The following RBFOX1 variants were observed in gnomAD, a reference collection of about 807,000 sequenced individuals.
RBFOX1 encodes the protein RNA binding fox-1 homolog 1, also known as RNA binding protein fox-1 homolog 1.
RBFOX1 carries 8 observed loss-of-function variants against 57.7 expected under a neutral mutation model. The observed-to-expected ratio is 0.14, with a 90% CI of 0.08 to 0.25. RBFOX1 has a LOEUF of 0.25. Ranked by LOEUF, RBFOX1 falls within the 10% of genes least tolerant of loss-of-function variation. The probability of loss-of-function intolerance (pLI) is 1.00; values close to 1 mark genes in which losing one functional copy is unlikely to be tolerated. For synonymous variants in RBFOX1, 326 were observed against 222.4 expected (o/e 1.47, Z -4.15); for missense variants, 611 against 548.5 (o/e 1.11, Z -1.14).
chr16:5,999,796 G>A (rs2060557149), intron 4 of RBFOX1, among the ~76,000 whole-genome samples: 1 of 143,742 alleles, frequency 7.0e-6, no homozygotes, highest in South Asian at 2.4e-4. Context: ...GGGAGGCGGA[G>A]CTTGTGGTGA....
At chr16:5,856,368 G>A (rs1366057198) in intron 3 of RBFOX1, among the ~76,000 whole-genome samples, 3 of 137,156 alleles carry the variant, frequency 2.2e-5, no homozygotes, top group Admixed American at 7.5e-5. Context: ...TATGATTTGT[G>A]TGTGCTTGGT....
chr16:6,256,530 T>C (rs2097668455), intron 1 of RBFOX1, among the ~76,000 whole-genome samples: 1 of 151,704 alleles, frequency 6.6e-6, no homozygotes, highest in South Asian at 2.1e-4. Flanking sequence ...TCTAAGTCTT[T>C]GAACTTGACA....
In RBFOX1 at chr16:6,659,207, G is replaced by C. The variant is rs565834792; in HGVS notation, c.-16+4557G>C. On this transcript the variant is annotated intron_variant, in intron 3 of 15. Transcript: ENST00000550418. Reference sequence around the variant, plus strand: ...GAGGAGAGGCTGATGGATCAGTCAGGGGGAGAATCTGTCAAGAGGAGACGA... The same window carrying C: ...GAGGAGAGGCTGATGGATCAGTCAGCGGGAGAATCTGTCAAGAGGAGACGA... 7.4e-5 allele frequency among the ~76,000 whole-genome samples: 11 copies of C among 148,028 alleles called. No homozygotes were observed. The South Asian group carries it at 2.4e-3, about 33-fold the overall frequency.
At chr16:7,056,349 T>C (rs1206712595) in intron 4 of RBFOX1, among the ~76,000 whole-genome samples, 6 of 152,162 alleles carry the variant, frequency 3.9e-5, no homozygotes, top group African/African-American at 1.4e-4. Context: ...TGAGTGTTCT[T>C]CTGAGCTTGC....
intron 3 of RBFOX1, among the ~76,000 whole-genome samples, chr16:6,922,670 A>T (rs1047895967): frequency 6.6e-6 from 1 of 152,126 alleles, no homozygotes; most frequent in Non-Finnish European, 1.5e-5. Flanking sequence ...GGGTGGAGTA[A>T]ACTTAGGCCA....
At chr16:6,024,268 T>C (rs917168927) in intron 1 of RBFOX1, among the ~76,000 whole-genome samples, 1 of 152,204 alleles carries the variant, frequency 6.6e-6, no homozygotes, top group Non-Finnish European at 1.5e-5. Context: ...AGACGAGAAC[T>C]TTCCTTTCTT....
At chr16:6,746,105 C>T (rs2154186925) in intron 3 of RBFOX1, among the ~76,000 whole-genome samples, 1 of 152,186 alleles carries the variant, frequency 6.6e-6, no homozygotes, top group South Asian at 2.1e-4. Context: ...TACAGAATAG[C>T]TGAGAGGAGT....
chr16:5,710,543 C>G (rs1028116629), intron 3 of RBFOX1, among the ~76,000 whole-genome samples: 1 of 152,204 alleles, frequency 6.6e-6, no homozygotes, highest in African/African-American at 2.4e-5. Flanking sequence ...CATGGGTTCT[C>G]TCAAGGCAGC....
At chr16:7,058,642 CTAAT>C (rs1460690579) in intron 4 of RBFOX1, among the ~76,000 whole-genome samples, 1 of 146,760 alleles carries the variant, frequency 6.8e-6, no homozygotes, top group African/African-American at 2.7e-5. Context: ...AAAGATTAAA[CTAAT>C]TAATGCATAT....
At chr16:7,405,955 T>C (rs1050553390) in intron 4 of RBFOX1, among the ~76,000 whole-genome samples, 4 of 152,142 alleles carry the variant, frequency 2.6e-5, no homozygotes, top group Non-Finnish European at 4.4e-5. Flanking sequence ...AGTTGAGGGA[T>C]GCAACTGACA....
intron 4 of RBFOX1, among the ~76,000 whole-genome samples, chr16:7,183,036 A>G (rs770775828): frequency 1.2e-4 from 19 of 152,220 alleles, no homozygotes; most frequent in Non-Finnish European, 2.4e-4. Flanking sequence ...TGGGCACACA[A>G]CAATATTTTT....
chr16:7,061,865 C>T (rs4541090), intron 4 of RBFOX1, among the ~76,000 whole-genome samples: 105,029 of 152,014 alleles, frequency 0.69, 37,422 homozygotes, highest in East Asian at 0.91. Context: ...AAAAAAAATA[C>T]GTGATAGGCA....
intron 4 of RBFOX1, among the ~76,000 whole-genome samples, chr16:7,214,335 T>C (rs150535110): frequency 6.6e-6 from 1 of 152,314 alleles, no homozygotes; most frequent in East Asian, 1.9e-4. Flanking sequence ...TATATTTCCC[T>C]GTAGATCCCT....
intron 4 of RBFOX1, among the ~76,000 whole-genome samples, chr16:7,177,598 G>T (rs1307670359): frequency 6.6e-6 from 1 of 152,162 alleles, no homozygotes; most frequent in Admixed American, 6.5e-5. Flanking sequence ...TTGTAGAACA[G>T]GTTGCTTGCT....
chr16:6,947,473 C>T (rs190411417), intron 3 of RBFOX1, among the ~76,000 whole-genome samples: 1 of 152,156 alleles, frequency 6.6e-6, no homozygotes, highest in African/African-American at 2.4e-5. Context: ...AACATATGTT[C>T]TTGGGAAGGA....
At chr16:6,929,028 G>A (rs1394750140) in intron 3 of RBFOX1, among the ~76,000 whole-genome samples, 7 of 152,172 alleles carry the variant, frequency 4.6e-5, no homozygotes. Context: ...TTCCAAGGGA[G>A]CAGATGTGAG....
intron 1 of RBFOX1, among the ~76,000 whole-genome samples, chr16:6,061,793 A>G (rs2095689515): frequency 6.6e-6 from 1 of 152,136 alleles, no homozygotes. Context: ...GGTTTTCCCC[A>G]TCAACAACCA....
chr16:6,830,228 C>G (rs1000442222), intron 3 of RBFOX1, among the ~76,000 whole-genome samples: 1 of 152,148 alleles, frequency 6.6e-6, no homozygotes, highest in Non-Finnish European at 1.5e-5. Context: ...AATGTATTTT[C>G]TTAATGTGTG....
rs149550251 is a variant in RBFOX1, at chr16:5,284,014, T to C, written c.219+43909T>C. On this transcript the variant is annotated intron_variant, in intron 1 of 2. Transcript: ENST00000585867. ...ATTGGAGGGACCTAGTGGGAAGTAA[T>C]TGAGTCATGGGGGCATGTCTTTCCC... Among the ~76,000 whole-genome samples the C allele has an allele frequency of 2.2e-3, 338 of 152,262 alleles. 2 individuals are homozygous for C. The highest frequency in any genetic ancestry group is 7.7e-3 in the African/African-American group (321 of 41,564).
Sources: gnomAD v4.1 joint callset for allele counts (sites outside exome capture counted in the v4.1 genomes callset) on GRCh38, gnomAD v4.1.1 for gene constraint, MANE v1.5 for transcripts, NCBI Gene and HGNC (gene_info 2026-07-23, HGNC 2026-07-21) for gene names.